CNTNAP2: variants seen among roughly 807,000 people sequenced by gnomAD.
CNTNAP2 encodes the protein contactin associated protein 2.
Under a neutral mutation model 155.2 loss-of-function variants are expected in CNTNAP2, and 98 were observed. The ratio of observed to expected loss-of-function variants is 0.63; its 90% CI spans 0.54 to 0.75. The LOEUF (loss-of-function observed/expected upper bound fraction) is 0.75, where lower values mean the gene tolerates loss of function less well. CNTNAP2 is among the 30% of genes least tolerant of loss of function. The pLI is 0.00. For synonymous variants in CNTNAP2, 651 were observed against 631.2 expected, an observed-to-expected ratio of 1.03 and a Z score of -0.47; for missense variants, 1,727 against 1,688.1, an observed-to-expected ratio of 1.02 and a Z score of -0.40.
intron 3 of CNTNAP2, among the ~76,000 whole-genome samples, chr7:146,952,183 G>T (rs779327648): frequency 6.6e-5 from 10 of 152,230 alleles, no homozygotes; most frequent in Non-Finnish European, 8.8e-5. Flanking sequence ...AAAGCTACAT[G>T]ATAATCTCAA....
At chr7:146,648,495 C>T (rs1799853031) in intron 1 of CNTNAP2, among the ~76,000 whole-genome samples, 1 of 151,998 alleles carries the variant, frequency 6.6e-6, no homozygotes, top group Admixed American at 6.6e-5. Context: ...TTTTATTATG[C>T]AATACTTCTT....
intron 12 of CNTNAP2, among the ~76,000 whole-genome samples, chr7:147,635,227 G>A (rs1046552561): frequency 9.3e-5 from 13 of 140,536 alleles, no homozygotes; most frequent in Middle Eastern, 3.5e-3. Context: ...TTTTGCTTAC[G>A]ATCTGTTTTT....
intron 8 of CNTNAP2, among the ~76,000 whole-genome samples, chr7:147,157,343 T>C (rs1025020535): frequency 6.6e-6 from 1 of 152,132 alleles, no homozygotes; most frequent in Non-Finnish European, 1.5e-5. Flanking sequence ...GATGTGAATA[T>C]TGTATAAGAA....
intron 13 of CNTNAP2, among the ~76,000 whole-genome samples, chr7:147,775,265 ATTTATATATATATT>A (rs1421278633): frequency 2.0e-4 from 19 of 95,510 alleles, no homozygotes; most frequent in African/African-American, 7.4e-4. Context: ...TTATAAATAT[ATTTATATATATATT>A]TATAAATATA....
chr7:146,396,036 A>G (rs768796618), intron 1 of CNTNAP2, among the ~76,000 whole-genome samples: 68 of 152,272 alleles, frequency 4.5e-4, no homozygotes, highest in Admixed American at 1.1e-3. Flanking sequence ...TTGGCACAGC[A>G]TAAATGCTCA....
chr7:148,175,276 A>G (rs753294936), intron 18 of CNTNAP2, among the ~76,000 whole-genome samples: 12 of 152,116 alleles, frequency 7.9e-5, no homozygotes, highest in Non-Finnish European at 1.5e-5. Flanking sequence ...TTGCACAATG[A>G]TGTATTTCCT....
intron 3 of CNTNAP2, among the ~76,000 whole-genome samples, chr7:146,863,417 GGT>G (rs1300397584): frequency 6.6e-6 from 1 of 152,032 alleles, no homozygotes; most frequent in Non-Finnish European, 1.5e-5. Flanking sequence ...CAAGATAAGA[GGT>G]ATGTCTTTCA....
intron 1 of CNTNAP2, among the ~76,000 whole-genome samples, chr7:146,206,806 ATGATGC>A (rs1277804398): frequency 6.6e-6 from 1 of 152,018 alleles, no homozygotes; most frequent in Admixed American, 6.6e-5. Context: ...AATCATCAAC[ATGATGC>A]TGTATGGTAA....
In CNTNAP2 at chr7:146,199,768, T is replaced by C. The variant is rs575000851; in HGVS notation, c.97+82795T>C. 9.2e-5 allele frequency among the ~76,000 whole-genome samples: 14 copies of C among 152,306 alleles called. No individual in the cohort carries two copies. The South Asian group carries it at 1.7e-3, about 18-fold the overall frequency. On this transcript the variant is annotated intron_variant, in intron 1 of 23. Transcript: ENST00000361727. Reference sequence around the variant, plus strand: ...AAAATTGAAGATGTGAAAGGTGATGTAGAATCAATGTGACAATGTAATTCA... The same window carrying C: ...AAAATTGAAGATGTGAAAGGTGATGCAGAATCAATGTGACAATGTAATTCA...
At chr7:146,474,997 GCACGCGCGCGCGCGCGCA>G (rs1227714511) in intron 1 of CNTNAP2, among the ~76,000 whole-genome samples, 1 of 132,360 alleles carries the variant, frequency 7.6e-6, no homozygotes, top group Non-Finnish European at 1.6e-5. Context: ...GCACGAGCGC[GCACGCGCGCGCGCGCGCA>G]CACACACACA....
At chr7:147,787,523 ATT>A (rs1217670167) in intron 13 of CNTNAP2, among the ~76,000 whole-genome samples, 1 of 152,190 alleles carries the variant, frequency 6.6e-6, no homozygotes, top group Non-Finnish European at 1.5e-5. Context: ...ATTATTCATT[ATT>A]TTTAGCTGTT....
At chr7:146,183,849 C>T (rs1018444659) in intron 1 of CNTNAP2, among the ~76,000 whole-genome samples, 4 of 152,130 alleles carry the variant, frequency 2.6e-5, no homozygotes, top group Admixed American at 2.0e-4. Flanking sequence ...TCCTCCCTTT[C>T]TGTTACCTTT....
chr7:148,018,166 A>G (rs984069710), intron 15 of CNTNAP2, among the ~76,000 whole-genome samples: 1 of 152,156 alleles, frequency 6.6e-6, no homozygotes, highest in Non-Finnish European at 1.5e-5. Flanking sequence ...TCTGACACCA[A>G]TTTCACATCT....
chr7:147,601,416 G>T (rs1205111791), intron 12 of CNTNAP2, among the ~76,000 whole-genome samples: 1 of 151,898 alleles, frequency 6.6e-6, no homozygotes, highest in African/African-American at 2.4e-5. Context: ...GTGCTCAGTG[G>T]GGGAGCTTTT....
intron 1 of CNTNAP2, among the ~76,000 whole-genome samples, chr7:146,519,589 T>C (rs77615181): frequency 6.6e-6 from 1 of 151,932 alleles, no homozygotes; most frequent in Non-Finnish European, 1.5e-5. Context: ...TCTTTGCTTT[T>C]TGAGAACCCA....
chr7:147,925,287 C>T (rs866224296), intron 14 of CNTNAP2, among the ~76,000 whole-genome samples: 57 of 74,448 alleles, frequency 7.7e-4, no homozygotes, highest in Non-Finnish European at 4.7e-5. Flanking sequence ...CACACAAGCG[C>T]GCGCGCACAC....
At chr7:147,842,649 A>C (rs1240647674) in intron 13 of CNTNAP2, among the ~76,000 whole-genome samples, 1 of 90,674 alleles carries the variant, frequency 1.1e-5, no homozygotes, top group Non-Finnish European at 2.0e-5. Context: ...TGTGCAGGTT[A>C]GTTACATATG....
intron 5 of CNTNAP2, among the ~76,000 whole-genome samples, chr7:147,112,446 GAC>G (rs1442259130): frequency 6.6e-6 from 1 of 152,148 alleles, no homozygotes; most frequent in Non-Finnish European, 1.5e-5. Flanking sequence ...CTTGTCTTGT[GAC>G]AGTTTTCTGT....
intron 15 of CNTNAP2, among the ~76,000 whole-genome samples, chr7:148,032,913 T>C (rs1802505731): frequency 6.6e-6 from 1 of 152,158 alleles, no homozygotes; most frequent in African/African-American, 2.4e-5. Flanking sequence ...ATTTATATCA[T>C]ATCATTTTGT....
Sources: allele counts gnomAD v4.1 joint callset (sites outside exome capture counted in the v4.1 genomes callset), GRCh38; gene constraint gnomAD v4.1.1; transcripts MANE v1.5; gene names NCBI Gene and HGNC (gene_info 2026-07-23, HGNC 2026-07-21).